Variants in DNAH10 observed in about 807,000 individuals in gnomAD.
DNAH10 encodes the protein axonemal beta dynein heavy chain 10.
DNAH10 carries 348 observed loss-of-function variants against 506.6 expected under a neutral mutation model. That is an observed-to-expected ratio of 0.69 (90% CI 0.63 to 0.75). The LOEUF is 0.75. DNAH10 is among the 30% of genes least tolerant of loss of function. The pLI, the probability that DNAH10 is intolerant of heterozygous loss-of-function variation, is 0.00. For synonymous variants in DNAH10, 2,059 were observed against 2,198.6 expected (o/e 0.94, Z 1.78); for missense variants, 5,179 against 5,787.1 (o/e 0.89, Z 3.41).
chr12:123,898,902 C>G (rs533409480), intron 56 of DNAH10, 88 bp downstream of exon 56: 1 of 1,464,750 alleles, frequency 6.8e-7, no homozygotes, highest in African/African-American at 1.4e-5. Context: ...CAGCCCATCC[C>G]GAGCAGGACA....
Position 123,860,186 on chromosome 12 carries a change from T to C in DNAH10, c.6750-826T>C, listed in dbSNP as rs940425303. Among the ~76,000 whole-genome samples the C allele has an allele frequency of 3.9e-5, 6 of 152,310 alleles. No individual in the cohort carries two copies. The East Asian group carries it at 1.2e-3, about 29-fold the overall frequency. ...GCTGATAGCCCGGCAAAAATCTAAA[T>C]CAAGCCAAAGTTTCTGTGACTTAAA... is the stretch of plus-strand genomic sequence containing the variant. On this transcript the variant is annotated intron_variant, in intron 38 of 78. Transcript: ENST00000673944.
chr12:123,796,422 A>C (rs941293545), intron 12 of DNAH10, among the ~76,000 whole-genome samples: 4 of 152,144 alleles, frequency 2.6e-5, no homozygotes, highest in Non-Finnish European at 4.4e-5. Flanking sequence ...ATGCCACTGC[A>C]CTCCAGCCTG....
Position 123,928,552 on chromosome 12 carries a change from G to A in DNAH10, c.12271G>A (p.Gly4091Ser), listed in dbSNP as rs775467493. The A allele has an allele frequency of 6.2e-7, 1 of 1,609,356 alleles. No homozygotes were observed. The highest frequency in any genetic ancestry group is 1.1e-5 in the South Asian group (1 of 89,978). Residue 4091 changes from glycine to serine, a missense_variant, in exon 70 of 79, where the codon GGC (glycine) becomes AGC (serine). This residue lies in a region of DNAH10 where 4,844 missense variants were observed against 5,430.5 expected (regional missense o/e 0.89). Transcript: ENST00000673944. This position sits in a 1 kb window ranked among gnomAD's most constrained non-coding sequence, Gnocchi z 4.9. ...GTGGCTCACCACGGACCCCACCAAG[G>A]GCTTCCCCATTGGGATTCTGCAGAA... is the stretch of plus-strand genomic sequence containing the variant. ...RLWLTTDPTK[G>S]FPIGILQKSL...
At chr12:123,803,569 G>A in intron 16 of DNAH10, 92 bp from the exon 17 acceptor site, 3 of 1,264,326 alleles carry the variant, frequency 2.4e-6, no homozygotes, top group Non-Finnish European at 3.2e-6. Flanking sequence ...TCCTGCAAAG[G>A]GATGCCAGTA....
intron 27 of DNAH10, among the ~76,000 whole-genome samples, chr12:123,834,789 GTC>G (rs1960959383): frequency 6.6e-6 from 1 of 152,142 alleles, no homozygotes; most frequent in South Asian, 2.1e-4. Flanking sequence ...GATCCTTTAC[GTC>G]TGGCTTTTGT....
rs561057811 is a variant in DNAH10, at chr12:123,925,140, T to A, written c.11857T>A (p.Cys3953Ser). ...TTTCCAGAAGTTGCTTATTTTGCGC[T>A]GTTTCCGTGTGGATCGGGTCTATCG... ...TPFQKLLILR[C>S]FRVDRVYRAV... Residue 3953 changes from cysteine to serine, a missense_variant, in exon 68 of 79, where the codon TGT (cysteine) becomes AGT (serine). Cys to Ser is a moderately radical substitution (Grantham distance 112, BLOSUM62 -1). Around this residue, in one of 3 missense-constraint regions of DNAH10, gnomAD observed 4,844 missense variants for 5,430.5 expected, o/e 0.89. Coordinates refer to ENST00000673944, the MANE Select transcript of DNAH10 (RefSeq NM_001372106.1). The surrounding 1 kb of genome is among the most constrained non-coding windows in gnomAD (Gnocchi z 4.0). 3 of 1,614,042 alleles carry A rather than the reference T, an allele frequency of 1.9e-6. No homozygotes were observed. The highest frequency in any genetic ancestry group is 3.3e-5 in the Admixed American group (2 of 60,030).
rs1344420392 is a variant in DNAH10, at chr12:123,919,200, A to C, written c.11506+251A>C. Among the ~76,000 whole-genome samples, 2 of 151,750 alleles carry C rather than the reference A, an allele frequency of 1.3e-5. No individual in the cohort carries two copies. The highest frequency in any genetic ancestry group is 2.9e-5 in the Non-Finnish European group (2 of 67,950). ...AGGTGATCCTCCTACCTCAGCCTCC[A>C]GAGTAGCTGGGACTAAAGGCACGCC... On this transcript the variant is annotated intron_variant, in intron 65 of 78. Coordinates refer to ENST00000673944, the MANE Select transcript of DNAH10 (RefSeq NM_001372106.1). The surrounding 1 kb of genome is among the most constrained non-coding windows in gnomAD (Gnocchi z 4.9).
chr12:123,870,474 TC>T lies in DNAH10; in HGVS notation c.7629del (p.Asn2544ThrfsTer47). 2 of 1,613,524 alleles carry T rather than the reference TC, an allele frequency of 1.2e-6. No individual in the cohort carries two copies. Among genetic ancestry groups the T allele is most frequent in the Non-Finnish European group, 1.7e-6 (2 of 1,179,806 alleles). On this transcript the variant is annotated frameshift_variant, in exon 44 of 79. Transcript: ENST00000673944. LOFTEE classifies it high-confidence loss of function. ...EYIHAPERKFINILVHTVDTT... is the reference protein window; with the variant it reads ...EYIHAPERKFXNILVHTVDTT... ...ATTCATGCCCCCGAGAGGAAATTCA[TC>T]AACATCCTGGGTAAGTCAGAGTCAA...
chr12:123,899,065 C>A (rs970641477), intron 56 of DNAH10, among the ~76,000 whole-genome samples: 3 of 152,218 alleles, frequency 2.0e-5, no homozygotes, highest in Non-Finnish European at 2.9e-5. Context: ...GGCCCCTGCG[C>A]TGGTAGCCTG....
In DNAH10 at chr12:123,826,913, C is replaced by G. The variant is rs769244857; in HGVS notation, c.4391+15C>G. ...CTAAGAGACAGGTTTGTTTTGTCCT[C>G]TGTCCGCAGATGTAAAAGTGTGGGA... On this transcript the variant is annotated intron_variant, in intron 25 of 78. Coordinates refer to ENST00000673944, the MANE Select transcript of DNAH10 (RefSeq NM_001372106.1). The G allele has an allele frequency of 1.1e-5, 18 of 1,603,584 alleles. No homozygotes were observed. Among genetic ancestry groups the G allele is most frequent in the Non-Finnish European group, 1.4e-5 (17 of 1,173,462 alleles).
At position 123,785,851 on chromosome 12, in the gene DNAH10, G is replaced by A. The variant is rs762584820; in HGVS notation, c.1336G>A (p.Glu446Lys). Residue 446 changes from glutamate to lysine, a missense_variant, in exon 9 of 79, where the codon GAG (glutamate) becomes AAG (lysine). Coordinates refer to ENST00000673944, the MANE Select transcript of DNAH10 (RefSeq NM_001372106.1). This position sits in a 1 kb window ranked among gnomAD's most constrained non-coding sequence, Gnocchi z 4.1. ...CATCTCCCGACACTACAACAAAGAC[G>A]AGAGGATGATTCCGCTCATGGAGCG... ...WIISRHYNKD[E>K]RMIPLMERIA... is the part of the protein sequence containing the mutation. 3.0e-5 allele frequency: 49 copies of A among 1,613,964 alleles called. No homozygotes were observed. The highest frequency in any genetic ancestry group is 6.7e-5 in the East Asian group (3 of 44,894).
At chr12:123,842,885 T>C (rs941152662) in intron 30 of DNAH10, among the ~76,000 whole-genome samples, 2 of 152,246 alleles carry the variant, frequency 1.3e-5, no homozygotes, top group Non-Finnish European at 2.9e-5. Context: ...CTAGCATTCA[T>C]TTAACTAATA....
At position 123,762,527 on chromosome 12, in the gene DNAH10, C is replaced by A. The variant is rs572124409; in HGVS notation, c.191C>A (p.Pro64Gln). Reference sequence around the variant, plus strand: ...CTCTTCATCTACCGCACTATGGTGCCGGAGGAGGTGGAGGTGGAGATTGGT... The same window carrying A: ...CTCTTCATCTACCGCACTATGGTGCAGGAGGAGGTGGAGGTGGAGATTGGT... Reference protein sequence around the residue: ...SALFIYRTMVPEEVEVEIDEI... With the variant: ...SALFIYRTMVQEEVEVEIDEI... Residue 64 changes from proline to glutamine, a missense_variant, in exon 1 of 79, where the codon CCG becomes CAG. This residue lies in a region of DNAH10 where 326 missense variants were observed against 330.8 expected (regional missense o/e 0.99). Transcript: ENST00000673944. The surrounding 1 kb of genome is among the most constrained non-coding windows in gnomAD (Gnocchi z 5.0). 6.4e-7 allele frequency: 1 copy of A among 1,558,616 alleles called. No homozygotes were observed. The highest frequency in any genetic ancestry group is 8.7e-7 in the Non-Finnish European group (1 of 1,152,434).
At chr12:123,847,454 G>T (rs775335237) in intron 32 of DNAH10, among the ~76,000 whole-genome samples, 10 of 152,104 alleles carry the variant, frequency 6.6e-5, no homozygotes, top group Non-Finnish European at 1.0e-4. Flanking sequence ...GACCAGGAAG[G>T]CCAGTAGCAT....
At chr12:123,870,222 T>C (rs1951972452) in intron 43 of DNAH10, 144 bp from the exon 44 acceptor site, 3 of 1,051,522 alleles carry the variant, frequency 2.9e-6, no homozygotes, top group Non-Finnish European at 4.1e-6. Flanking sequence ...ACTCGGTATC[T>C]GTCCAGTGAA....
chr12:123,873,731 G>A (rs1186935173), intron 46 of DNAH10, 21 bp downstream of exon 46: 8 of 1,592,206 alleles, frequency 5.0e-6, no homozygotes, highest in Middle Eastern at 3.3e-4. Context: ...GCTCAAGCAG[G>A]TGGAGGGATG....
At chr12:123,894,837 T>C in intron 54 of DNAH10, 114 bp downstream of exon 54, 2 of 914,234 alleles carry the variant, frequency 2.2e-6, no homozygotes, top group African/African-American at 1.7e-5. Context: ...AACCCTATGG[T>C]AACAAATGGC....
At chr12:123,878,583 G>C (rs151158665) in intron 48 of DNAH10, among the ~76,000 whole-genome samples, 260 of 152,302 alleles carry the variant, frequency 1.7e-3, no homozygotes, top group Middle Eastern at 6.8e-3. Context: ...ATTGGGGCCA[G>C]ATTGAGTTGG....
chr12:123,909,206 C>T lies in DNAH10; in HGVS notation c.9816-55C>T. 6.3e-7 allele frequency: 1 copy of T among 1,583,776 alleles called. No homozygotes were observed. Among genetic ancestry groups the T allele is most frequent in the Non-Finnish European group, 8.6e-7 (1 of 1,165,452 alleles). ...CGTTTTTCTGGAGCTCTCTTTCAGG[C>T]CAGATCCTGGCCACATCCCGGGGTT... On this transcript the variant is annotated intron_variant, in intron 57 of 78. Coordinates refer to ENST00000673944, the MANE Select transcript of DNAH10 (RefSeq NM_001372106.1). This position sits in a 1 kb window ranked among gnomAD's most constrained non-coding sequence, Gnocchi z 5.4.
Sources: gnomAD v4.1 joint callset for allele counts (sites outside exome capture counted in the v4.1 genomes callset) on GRCh38, gnomAD v4.1.1 for gene constraint, gnomAD v4.1.1 regional missense constraint, Gnocchi (gnomAD v3.1) non-coding constraint, MANE v1.5 for transcripts, NCBI Gene and HGNC (gene_info 2026-07-23, HGNC 2026-07-21) for gene names.